The following SYNE1 variants were observed in gnomAD, a reference collection of about 807,000 sequenced individuals.
The protein encoded by SYNE1 is nesprin-1.
SYNE1 carries 616 observed loss-of-function variants against 1,111.0 expected under a neutral mutation model. The observed-to-expected ratio is 0.55, with a 90% CI of 0.52 to 0.59. SYNE1 has a LOEUF of 0.59. SYNE1 is among the 20% of genes least tolerant of loss of function. SYNE1 has a pLI of 0.00. For synonymous variants in SYNE1, 3,855 were observed against 3,825.8 expected (o/e 1.01, Z -0.28); for missense variants, 10,006 against 10,417.0 (o/e 0.96, Z 1.72).
At chr6:152,435,805 G>A (rs1361632656) in intron 33 of SYNE1, 136 bp downstream of exon 33, 3 of 1,075,922 alleles carry the variant, frequency 2.8e-6, no homozygotes, top group East Asian at 2.5e-5. Flanking sequence ...TTTGAACTGT[G>A]AGTTGTTTCC....
intron 127 of SYNE1, among the ~76,000 whole-genome samples, chr6:152,195,023 C>T (rs537857492): frequency 6.2e-4 from 95 of 152,206 alleles, no homozygotes; most frequent in Non-Finnish European, 9.1e-4. Flanking sequence ...TGGGTTCAAG[C>T]GATTCTCAGG....
At chr6:152,393,742 C>T (rs1213285786) in intron 51 of SYNE1, among the ~76,000 whole-genome samples, 1 of 152,066 alleles carries the variant, frequency 6.6e-6, no homozygotes, top group Non-Finnish European at 1.5e-5. Context: ...GTTTGTTTTT[C>T]AAGACAAGGA....
At chr6:152,480,696 A>T in intron 14 of SYNE1, 1 of 451,428 alleles carries the variant, frequency 2.2e-6, no homozygotes, top group South Asian at 1.6e-5. Flanking sequence ...CAATGAAAAG[A>T]TCATTCTAAT....
chr6:152,510,413 T>C, intron 7 of SYNE1, 42 bp from the exon 8 acceptor site: 1 of 1,596,506 alleles, frequency 6.3e-7, no homozygotes, highest in Non-Finnish European at 8.6e-7. Flanking sequence ...AAGCATTATC[T>C]TTGTTATTAT....
In SYNE1 at chr6:152,255,024, T is replaced by C. The variant is rs756471258; in HGVS notation, c.19326A>G (p.Gln6442=). 9 of 1,613,224 alleles carry C rather than the reference T, an allele frequency of 5.6e-6. No individual in the cohort carries two copies. Among genetic ancestry groups the C allele is most frequent in the Non-Finnish European group, 6.8e-6 (8 of 1,179,490 alleles). Residue 6442 remains glutamine, a synonymous_variant, in exon 104 of 146, where the codon CAA becomes CAG. Transcript: ENST00000367255. Reference sequence around the variant, plus strand: ...GATTATCACCATTCTCTGGAAAAGCTTGGGAAAACAAGTTTTTGTTCTTAT... The same window carrying C: ...GATTATCACCATTCTCTGGAAAAGCCTGGGAAAACAAGTTTTTGTTCTTAT... The part of the protein sequence containing the change: ...EMDKNKNLFS[Q]AFPENGDNRD...
chr6:152,339,104 T>A, intron 75 of SYNE1, 137 bp downstream of exon 75: 1 of 1,162,604 alleles, frequency 8.6e-7, no homozygotes, highest in Non-Finnish European at 1.2e-6. Flanking sequence ...CAAATATCTA[T>A]TTATTATAAT....
rs537900197 is a variant in SYNE1 at position 152,139,293 on chromosome 6, G to A, written c.25458+657C>T. Among the ~76,000 whole-genome samples the A allele has an allele frequency of 5.9e-5, 9 of 152,068 alleles. No homozygotes were observed. The South Asian group carries it at 1.9e-3, about 32-fold the overall frequency. On this transcript the variant is annotated intron_variant, in intron 140 of 145. Transcript: ENST00000367255. ...GCCCTTGAAAACCATCTTTGTGGCC[G>A]GGCACGGTGGCTCATGCCTGTAATC...
At chr6:152,580,504 C>T (rs1564970435) in intron 3 of SYNE1, among the ~76,000 whole-genome samples, 1 of 152,110 alleles carries the variant, frequency 6.6e-6, no homozygotes, top group Non-Finnish European at 1.5e-5. Flanking sequence ...TATGCAGAAG[C>T]TTTTTAGTTT....
chr6:152,390,199 C>T (rs1362660075), intron 53 of SYNE1, 81 bp downstream of exon 53: 2 of 1,506,054 alleles, frequency 1.3e-6, no homozygotes, highest in Non-Finnish European at 1.8e-6. Context: ...GAATTCCACC[C>T]CAGGAGACCT....
chr6:152,480,366 C>T (rs939617218), intron 14 of SYNE1, among the ~76,000 whole-genome samples: 1 of 151,974 alleles, frequency 6.6e-6, no homozygotes, highest in Non-Finnish European at 1.5e-5. Context: ...ACTAAAAATA[C>T]AAATATTAGC....
In SYNE1 at chr6:152,284,069, T is replaced by C; in HGVS notation, c.18116A>G (p.Glu6039Gly). 2 of 1,614,154 alleles carry C rather than the reference T, an allele frequency of 1.2e-6. No homozygotes were observed. The highest frequency in any genetic ancestry group is 1.7e-6 in the Non-Finnish European group (2 of 1,180,010). The change falls in exon 96 of 146, where the codon GAG becomes GGG. Residue 6039 changes from glutamate to glycine, a missense_variant. Coordinates refer to ENST00000367255, the MANE Select transcript of SYNE1 (RefSeq NM_182961.4). ...VSESCEADPA[E>G]QLALQSTLTV... ...GAGCGTGGACTGCAAGGCCAGCTGC[T>C]CCGCAGGGTCGGCCTCACAAGACTC...
At chr6:152,594,945 A>G (rs1279944134) in intron 3 of SYNE1, among the ~76,000 whole-genome samples, 1 of 152,074 alleles carries the variant, frequency 6.6e-6, no homozygotes, top group African/African-American at 2.4e-5. Flanking sequence ...TCCAAGCTTC[A>G]TTTTCAGTTC....
chr6:152,184,130 G>T (rs1050010695), intron 128 of SYNE1, among the ~76,000 whole-genome samples: 9 of 152,184 alleles, frequency 5.9e-5, no homozygotes, highest in Admixed American at 5.9e-4. Flanking sequence ...AAATAAGAGA[G>T]TAATTTAAGA....
At chr6:152,263,178 A>G (rs1035250405) in intron 100 of SYNE1, among the ~76,000 whole-genome samples, 5 of 151,468 alleles carry the variant, frequency 3.3e-5, no homozygotes, top group African/African-American at 1.2e-4. Context: ...TAGGGCATGG[A>G]GGAATAGTAC....
intron 44 of SYNE1, among the ~76,000 whole-genome samples, chr6:152,407,461 C>T (rs1053199170): frequency 6.6e-6 from 1 of 152,134 alleles, no homozygotes; most frequent in African/African-American, 2.4e-5. Flanking sequence ...ACAACAGGTC[C>T]ATTGGAATCT....
At chr6:152,632,654 G>A (rs929096363) in intron 2 of SYNE1, among the ~76,000 whole-genome samples, 2 of 152,118 alleles carry the variant, frequency 1.3e-5, no homozygotes, top group African/African-American at 4.8e-5. Context: ...AAGACCTGGA[G>A]CTGAATCTTA....
chr6:152,187,704 A>C (rs1403488331), intron 128 of SYNE1, among the ~76,000 whole-genome samples: 2 of 144,774 alleles, frequency 1.4e-5, no homozygotes, highest in African/African-American at 5.2e-5. Context: ...TAGCTTGCTT[A>C]AATCTTTATA....
rs2080146133 is a variant in SYNE1 at position 152,221,372 on chromosome 6, T to A, written c.21656+54A>T. 5 of 1,594,094 alleles carry A rather than the reference T, an allele frequency of 3.1e-6. No individual in the cohort carries two copies. In the East Asian group the frequency reaches 1.1e-4, roughly 36 times the overall value. ...ACTGTCATTGTTTTAATTATATCAT[T>A]ATTTATAATAAGGCTGTGATATAAA... On this transcript the variant is annotated intron_variant, in intron 118 of 145. Coordinates refer to ENST00000367255, the MANE Select transcript of SYNE1 (RefSeq NM_182961.4).
At chr6:152,180,405 T>C in intron 128 of SYNE1, 111 bp from the exon 129 acceptor site, 1 of 1,060,948 alleles carries the variant, frequency 9.4e-7, no homozygotes, top group South Asian at 1.4e-5. Context: ...TCATACATCT[T>C]TTTAGCCCAC....
Sources: gnomAD v4.1 joint callset for allele counts (sites outside exome capture counted in the v4.1 genomes callset) on GRCh38, gnomAD v4.1.1 for gene constraint, MANE v1.5 for transcripts, NCBI Gene and HGNC (gene_info 2026-07-23, HGNC 2026-07-21) for gene names.